Variants in DNAJC11 observed in about 807,000 individuals in gnomAD.
DNAJC11 encodes the protein DnaJ heat shock protein family (Hsp40) member C11, also known as dnaJ homolog subfamily C member 11.
DNAJC11 carries 15 observed loss-of-function variants against 78.6 expected under a neutral mutation model. The ratio of observed to expected loss-of-function variants is 0.19; its 90% confidence interval spans 0.13 to 0.29. DNAJC11 has a LOEUF of 0.29. DNAJC11 is among the 10% of genes least tolerant of loss of function. The pLI, the probability that DNAJC11 is intolerant of heterozygous loss-of-function variation, is 1.00. For synonymous variants in DNAJC11, 292 were observed against 272.1 expected, an observed-to-expected ratio of 1.07 and a Z score of -0.72; for missense variants, 547 against 709.6, an observed-to-expected ratio of 0.77 and a Z score of 2.60.
At chr1:6,657,890 C>T (rs1642154978) in intron 4 of DNAJC11, among the ~76,000 whole-genome samples, 1 of 152,324 alleles carries the variant, frequency 6.6e-6, no homozygotes, top group East Asian at 1.9e-4. Flanking sequence ...CGTGATCTGC[C>T]CACCTTGGCC....
At chr1:6,636,338 T>TCTGACATTCC (rs1641767909) in intron 14 of DNAJC11, 92 bp from the exon 15 acceptor site, 5 of 1,526,874 alleles carry the variant, frequency 3.3e-6, no homozygotes, top group Non-Finnish European at 4.4e-6. Flanking sequence ...GTGCACAGGC[T>TCTGACATTCC]CTGACATTCC....
At position 6,701,773 on chromosome 1, in the gene DNAJC11, GCTC is replaced by G. The variant is rs1642933798; in HGVS notation, c.25_27del (p.Glu9del). 13 of 1,566,224 alleles carry G rather than the reference GCTC, an allele frequency of 8.3e-6. No individual in the cohort carries two copies. Among genetic ancestry groups the G allele is most frequent in the Non-Finnish European group, 1.0e-5 (12 of 1,158,506 alleles). ...AACGAGTAATAGTCTTCATTGTCCA[GCTC>G]CTCCTCGCTCAAGGCCGTCGCCATC... On this transcript the variant is annotated inframe_deletion, in exon 1 of 16. Coordinates refer to ENST00000377577, the MANE Select transcript of DNAJC11 (RefSeq NM_018198.4).
At chr1:6,676,738 C>T (rs570068633) in intron 3 of DNAJC11, among the ~76,000 whole-genome samples, 1 of 152,128 alleles carries the variant, frequency 6.6e-6, no homozygotes, top group East Asian at 1.9e-4. Context: ...GCCCATGAGC[C>T]ACCAATATGA....
At chr1:6,647,212 G>A (rs1384673458) in intron 7 of DNAJC11, among the ~76,000 whole-genome samples, 2 of 150,930 alleles carry the variant, frequency 1.3e-5, no homozygotes, top group Non-Finnish European at 2.9e-5. Context: ...TTCCTGGGTA[G>A]CTGGGACTAC....
Position 6,635,688 on chromosome 1 carries a change from T to A in DNAJC11, c.1667A>T (p.Asp556Val). 6.2e-7 allele frequency: 1 copy of A among 1,614,202 alleles called. No individual in the cohort carries two copies. The highest frequency in any genetic ancestry group is 1.1e-5 in the South Asian group (1 of 91,084). ...LRIPKQSHRIDTDG is the reference protein window; with the variant it reads ...LRIPKQSHRIVTDG ...GTTCTTGGCAGTTTATCCATCTGTA[T>A]CGATCCTGTGGGCTGTAAAGGAAAA... The change falls in exon 16 of 16, where the codon GAT becomes GTT. Residue 556 changes from aspartate to valine, a missense_variant. Transcript: ENST00000377577.
intron 4 of DNAJC11, among the ~76,000 whole-genome samples, chr1:6,660,538 T>C (rs1204996347): frequency 6.6e-6 from 1 of 152,196 alleles, no homozygotes; most frequent in African/African-American, 2.4e-5. Flanking sequence ...AGGATTAGGT[T>C]GTCTGTTTTA....
chr1:6,695,627 T>TAAAAAAAAAAAAAA (rs70984004), intron 1 of DNAJC11, among the ~76,000 whole-genome samples: 3 of 83,004 alleles, frequency 3.6e-5, no homozygotes, highest in Non-Finnish European at 4.5e-5. Flanking sequence ...CTATCTCTAC[T>TAAAAAAAAAAAAAA]AAAAAAAAAA....
Position 6,645,193 on chromosome 1 carries a change from G to C in DNAJC11, c.895-67C>G. The stretch of plus-strand genomic sequence containing the variant: ...TGACTCTGTGGGGAGATGGGTATCT[G>C]CCCTCCCACTAGCTCTGGGCATCTG... On this transcript the variant is annotated intron_variant, in intron 8 of 15. Coordinates refer to ENST00000377577, the MANE Select transcript of DNAJC11 (RefSeq NM_018198.4). This position sits in a 1 kb window ranked among gnomAD's most constrained non-coding sequence, Gnocchi z 4.1. The C allele has an allele frequency of 1.4e-5, 18 of 1,244,622 alleles. No individual in the cohort carries two copies. The highest frequency in any genetic ancestry group is 2.4e-5 in the South Asian group (2 of 82,786). 77.1% of individuals were successfully genotyped at this position (1,244,622 alleles called of 1,614,324 possible).
chr1:6,699,484 T>C (rs183253497), intron 1 of DNAJC11, among the ~76,000 whole-genome samples: 1 of 152,334 alleles, frequency 6.6e-6, no homozygotes, highest in Non-Finnish European at 1.5e-5. Flanking sequence ...GCCTGATAAA[T>C]GGCTGCTCAA....
Position 6,644,553 on chromosome 1 carries a change from C to A in DNAJC11, c.1097+5G>T. 1 of 1,608,830 alleles carries A rather than the reference C, an allele frequency of 6.2e-7. No individual in the cohort carries two copies. The highest frequency in any genetic ancestry group is 8.5e-7 in the Non-Finnish European group (1 of 1,175,172). ...CTTGACCCGAAAGGCCTAAGTTCAA[C>A]TTACTTGACTTTGAGAGAAACACCC... is the stretch of plus-strand genomic sequence containing the variant. On this transcript the variant is annotated splice_donor_5th_base_variant and intron_variant, in intron 10 of 15. Transcript: ENST00000377577.
chr1:6,635,028 T>G lies in DNAJC11; in HGVS notation c.*647A>C. On this transcript the variant is annotated 3_prime_UTR_variant, in exon 16 of 16. Coordinates refer to ENST00000377577, the MANE Select transcript of DNAJC11 (RefSeq NM_018198.4). ...TAGGCCCTGGGATCGGGAGTTACACTACCCTGTCCCAAGCCGAGGGGGCCG... is the reference window on the plus strand; with the variant it reads ...TAGGCCCTGGGATCGGGAGTTACACGACCCTGTCCCAAGCCGAGGGGGCCG... The G allele has an allele frequency of 1.7e-5, 6 of 354,296 alleles. No individual in the cohort carries two copies. The highest frequency in any genetic ancestry group is 2.8e-5 in the Non-Finnish European group (6 of 213,502). 21.9% of individuals were successfully genotyped at this position (354,296 alleles called of 1,614,324 possible).
chr1:6,652,841 C>T lies in DNAJC11; in HGVS notation c.618G>A (p.Lys206=), dbSNP rs370733878. The T allele has an allele frequency of 2.1e-5, 34 of 1,614,088 alleles. No individual in the cohort carries two copies. The highest frequency in any genetic ancestry group is 2.8e-5 in the Non-Finnish European group (33 of 1,180,050). The change falls in exon 6 of 16, where the codon AAG becomes AAA. Residue 206 remains lysine, a synonymous_variant. Coordinates refer to ENST00000377577, the MANE Select transcript of DNAJC11 (RefSeq NM_018198.4). ...TAGACATTCTTACCTCTCCCCATCCCTTTGCCGAAGTTACTCGTCTGAGCG... is the reference window on the plus strand; with the variant it reads ...TAGACATTCTTACCTCTCCCCATCCTTTTGCCGAAGTTACTCGTCTGAGCG... The part of the protein sequence containing the change: ...NFALRRVTSA[K]GWGELEFGAG...
At chr1:6,669,225 C>T (rs944910187) in intron 3 of DNAJC11, among the ~76,000 whole-genome samples, 8 of 149,334 alleles carry the variant, frequency 5.4e-5, no homozygotes, top group East Asian at 2.0e-4. Flanking sequence ...ATAAGGTATT[C>T]GAGGCCTAGC....
rs1641708858 is a variant in DNAJC11, at chr1:6,634,253, A to G, written c.*1422T>C. The G allele has an allele frequency of 1.2e-6, 1 of 868,532 alleles. No individual in the cohort carries two copies. The highest frequency in any genetic ancestry group is 2.8e-5 in the Admixed American group (1 of 35,146). The allele number at this position is 868,532 out of a possible 1,614,324, so 53.8% of individuals were successfully genotyped here. A position where few individuals can be genotyped will look rare whatever the true frequency, so the allele number is the denominator to read the frequency against. On this transcript the variant is annotated 3_prime_UTR_variant, in exon 16 of 16. Transcript: ENST00000377577. ...ACGCAGAGGATGGGTGCCCAGAAGC[A>G]CCTGCGGCAGAGGCGCACGGGAAGC...
chr1:6,659,389 G>A (rs1197827866), intron 4 of DNAJC11, among the ~76,000 whole-genome samples: 3 of 152,132 alleles, frequency 2.0e-5, no homozygotes, highest in African/African-American at 7.2e-5. Flanking sequence ...TTCACCAGAT[G>A]GCCACGTGGC....
chr1:6,650,388 A>G (rs1397018378), intron 7 of DNAJC11, among the ~76,000 whole-genome samples: 3 of 152,106 alleles, frequency 2.0e-5, no homozygotes, highest in Non-Finnish European at 4.4e-5. Context: ...CAACATAGAG[A>G]TAACTTATCC....
At chr1:6,654,120 C>A in intron 4 of DNAJC11, 81 bp from the exon 5 acceptor site, 1 of 1,541,648 alleles carries the variant, frequency 6.5e-7, no homozygotes, top group Admixed American at 1.8e-5. Context: ...ACAGCCAGCT[C>A]GCTTTAATTG....
rs2148730307 is a variant in DNAJC11, at chr1:6,645,673, T to C, written c.894+116A>G. The C allele has an allele frequency of 8.3e-7, 1 of 1,202,366 alleles. No homozygotes were observed. The highest frequency in any genetic ancestry group is 2.4e-5 in the East Asian group (1 of 42,212). 74.5% of individuals were successfully genotyped at this position (1,202,366 alleles called of 1,614,324 possible). On this transcript the variant is annotated intron_variant, in intron 8 of 15. Coordinates refer to ENST00000377577, the MANE Select transcript of DNAJC11 (RefSeq NM_018198.4). The surrounding 1 kb of genome is among the most constrained non-coding windows in gnomAD (Gnocchi z 4.1). Reference sequence around the variant, plus strand: ...CGAGAGCCTGCCCCTCAGGGCCCTGTATGGGCTTAGACTTAGTGGTGATCA... The same window carrying C: ...CGAGAGCCTGCCCCTCAGGGCCCTGCATGGGCTTAGACTTAGTGGTGATCA...
chr1:6,662,350 C>A (rs566528680), intron 4 of DNAJC11, among the ~76,000 whole-genome samples: 6 of 152,094 alleles, frequency 3.9e-5, no homozygotes, highest in African/African-American at 1.4e-4. Flanking sequence ...CCTGCCACCA[C>A]GCCTGGCTAA....
Sources: gnomAD v4.1 joint callset for allele counts (sites outside exome capture counted in the v4.1 genomes callset) on GRCh38, gnomAD v4.1.1 for gene constraint, Gnocchi (gnomAD v3.1) non-coding constraint, MANE v1.5 for transcripts, NCBI Gene and HGNC (gene_info 2026-07-23, HGNC 2026-07-21) for gene names.